Variants in TAB2 observed in about 807,000 individuals in gnomAD.
TAB2 encodes TGF-beta activated kinase 1 (MAP3K7) binding protein 2, also known as TGF-beta-activated kinase 1 and MAP3K7-binding protein 2.
Under a neutral mutation model 65.0 loss-of-function variants are expected in TAB2, and 3 were observed. The ratio of observed to expected loss-of-function variants is 0.05; its 90% CI spans 0.02 to 0.12. TAB2 has a LOEUF of 0.12. Among genes scored for constraint, TAB2 ranks in the 10% least tolerant of loss-of-function variants. The pLI is 1.00. For synonymous variants in TAB2, 298 were observed against 285.1 expected, an observed-to-expected ratio of 1.05 and a Z score of -0.46; for missense variants, 623 against 840.3, an observed-to-expected ratio of 0.74 and a Z score of 3.20.
chr6:149,337,303 G>A (rs1013255526), intron 1 of TAB2, among the ~76,000 whole-genome samples: 12 of 151,754 alleles, frequency 7.9e-5, no homozygotes, highest in Middle Eastern at 3.4e-3. Context: ...CTATATTTTA[G>A]TAAAACTGGC....
At chr6:149,389,373 T>C (rs1479773897) in intron 3 of TAB2, among the ~76,000 whole-genome samples, 1 of 151,758 alleles carries the variant, frequency 6.6e-6, no homozygotes, top group Non-Finnish European at 1.5e-5. Flanking sequence ...TGGCCAGGCA[T>C]GGTGGCTCAT....
At chr6:149,400,587 C>G (rs774822853) in intron 6 of TAB2, 6 of 1,614,112 alleles carry the variant, frequency 3.7e-6, no homozygotes, top group Non-Finnish European at 4.2e-6. Flanking sequence ...TGGTGGGCAA[C>G]CAATCAGTGG....
At chr6:149,293,298 T>C (rs931149218) in intron 1 of TAB2, among the ~76,000 whole-genome samples, 1 of 152,266 alleles carries the variant, frequency 6.6e-6, no homozygotes, top group South Asian at 2.1e-4. Flanking sequence ...AAATTTGTTT[T>C]ATATAAATCT....
At chr6:149,298,664 T>C (rs59598852) in intron 1 of TAB2, among the ~76,000 whole-genome samples, 6,750 of 152,260 alleles carry the variant, frequency 0.044, 476 homozygotes, top group African/African-American at 0.15. Flanking sequence ...AACAGTCATT[T>C]AACCTTTTGA....
At chr6:149,315,926 T>C (rs558864192), upstream of TAB2, among the ~76,000 whole-genome samples, 1 of 152,340 alleles carries the variant, frequency 6.6e-6, no homozygotes, top group Non-Finnish European at 1.5e-5. Flanking sequence ...TACATGTACA[T>C]TCCATAAATT....
intron 1 of TAB2, among the ~76,000 whole-genome samples, chr6:149,336,232 T>A (rs1269188084): frequency 6.6e-6 from 1 of 152,230 alleles, no homozygotes; most frequent in Admixed American, 6.5e-5. Context: ...ATTTATTACT[T>A]GGAATTCATT....
intron 1 of TAB2, among the ~76,000 whole-genome samples, chr6:149,262,767 G>C (rs1444575756): frequency 6.6e-6 from 1 of 151,940 alleles, no homozygotes; most frequent in Non-Finnish European, 1.5e-5. Flanking sequence ...TTAATATTTA[G>C]GAGCTGATAT....
intron 1 of TAB2, among the ~76,000 whole-genome samples, chr6:149,254,018 G>GAAAGA (rs1359931223): frequency 1.5e-5 from 2 of 137,356 alleles, no homozygotes; most frequent in East Asian, 2.2e-4. Context: ...AAGAAAGAAA[G>GAAAGA]AAAGAAAAGA....
intron 1 of TAB2, among the ~76,000 whole-genome samples, chr6:149,220,390 C>T (rs1462982693): frequency 6.6e-6 from 1 of 152,158 alleles, no homozygotes; most frequent in Non-Finnish European, 1.5e-5. Context: ...TTACTTTAAA[C>T]TCCATTGGAC....
chr6:149,304,897 C>T (rs1424767892), intron 1 of TAB2, among the ~76,000 whole-genome samples: 1 of 152,158 alleles, frequency 6.6e-6, no homozygotes, highest in African/African-American at 2.4e-5. Context: ...ATATCACACA[C>T]ATCTTCTCAT....
rs1583145417 is a variant in TAB2 at position 149,383,210 on chromosome 6, C to A, written c.1603+3692C>A. Among the ~76,000 whole-genome samples the A allele has an allele frequency of 2.0e-5, 3 of 151,828 alleles. No individual in the cohort carries two copies. In the South Asian group the frequency reaches 6.3e-4, roughly 32 times the overall value. On this transcript the variant is annotated intron_variant, in intron 3 of 6. Transcript: ENST00000637181. ...AAGAACTCTAAACAATAAAGTAACA[C>A]CCTGGATAGAAGTAGAGAGCACTTT...
intron 1 of TAB2, among the ~76,000 whole-genome samples, chr6:149,361,305 C>T (rs1235543681): frequency 1.3e-5 from 2 of 152,158 alleles, no homozygotes; most frequent in Non-Finnish European, 2.9e-5. Flanking sequence ...GCTGCCAAGC[C>T]TCCTTCACTC....
At chr6:149,338,741 CAG>C (rs1300931564) in intron 1 of TAB2, among the ~76,000 whole-genome samples, 1 of 152,104 alleles carries the variant, frequency 6.6e-6, no homozygotes, top group African/African-American at 2.4e-5. Context: ...GAATTGATAA[CAG>C]AAATTATCGA....
chr6:149,336,270 CTTAA>C (rs1161353530), intron 1 of TAB2, among the ~76,000 whole-genome samples: 1 of 152,094 alleles, frequency 6.6e-6, no homozygotes, highest in Non-Finnish European at 1.5e-5. Flanking sequence ...CTTCTGGGTT[CTTAA>C]TTAAATAGGA....
intron 1 of TAB2, among the ~76,000 whole-genome samples, chr6:149,287,341 G>C (rs947973049): frequency 1.3e-5 from 2 of 152,124 alleles, no homozygotes; most frequent in African/African-American, 4.8e-5. Flanking sequence ...AAAACAAATA[G>C]ATAAAGCTGG....
intron 2 of TAB2, among the ~76,000 whole-genome samples, chr6:149,376,242 C>T (rs1781392263): frequency 2.0e-5 from 3 of 152,106 alleles, no homozygotes; most frequent in Admixed American, 1.3e-4. Flanking sequence ...TTTTATTCAT[C>T]TTAAGTATCA....
intron 1 of TAB2, among the ~76,000 whole-genome samples, chr6:149,224,773 C>G (rs990188806): frequency 1.3e-5 from 2 of 152,148 alleles, no homozygotes; most frequent in Non-Finnish European, 2.9e-5. Context: ...TAGTTTGATA[C>G]GTAGGTTAAT....
chr6:149,341,782 CT>C (rs945308102), intron 1 of TAB2, among the ~76,000 whole-genome samples: 11 of 152,014 alleles, frequency 7.2e-5, no homozygotes, highest in Admixed American at 3.9e-4. Flanking sequence ...GTCTTCACTA[CT>C]TTTTTTTGTC....
intron 1 of TAB2, among the ~76,000 whole-genome samples, chr6:149,265,740 C>A (rs1033020616): frequency 1.3e-5 from 2 of 152,198 alleles, no homozygotes; most frequent in African/African-American, 4.8e-5. Context: ...CCAAGCCCCA[C>A]GCGCGAGCCT....
Sources: gnomAD v4.1 joint callset for allele counts (sites outside exome capture counted in the v4.1 genomes callset) on GRCh38, gnomAD v4.1.1 for gene constraint, MANE v1.5 for transcripts, NCBI Gene and HGNC (gene_info 2026-07-23, HGNC 2026-07-21) for gene names.